Variants in SPON1 observed in about 807,000 individuals in gnomAD.
The protein encoded by SPON1 is spondin 1.
Under a neutral mutation model 111.7 loss-of-function variants are expected in SPON1, and 52 were observed. The observed-to-expected ratio is 0.47, with a 90% CI of 0.37 to 0.59. The LOEUF (loss-of-function observed/expected upper bound fraction) is 0.59. SPON1 is among the 20% of genes least tolerant of loss of function. SPON1 has a pLI of 0.00. For missense variants in SPON1, 957 were observed against 1,068.5 expected, an observed-to-expected ratio of 0.90 and a Z score of 1.46; for synonymous variants, 410 against 395.8, an observed-to-expected ratio of 1.04 and a Z score of -0.43.
In SPON1 at chr11:13,963,028, G is replaced by A. The variant is rs996546516; in HGVS notation, c.124G>A (p.Gly42Ser). ...CCTGGACAAAGTGCCCAAGTCAGAG[G>A]GCTACTGCAGCCGTATCCTGCGCGC... Reference protein sequence around the residue: ...ETLDKVPKSEGYCSRILRAQG... With the variant: ...ETLDKVPKSESYCSRILRAQG... Residue 42 changes from glycine to serine, a missense_variant, in exon 1 of 16, where the codon GGC (glycine) becomes AGC (serine). Physicochemically the swap from Gly to Ser is moderately conservative, Grantham distance 56. Around this residue, in one of 5 missense-constraint regions of SPON1, gnomAD observed 262 missense variants for 253.9 expected, o/e 1.03. Coordinates refer to ENST00000576479, the MANE Select transcript of SPON1 (RefSeq NM_006108.4). 1.3e-6 allele frequency: 2 copies of A among 1,589,708 alleles called. No homozygotes were observed. Among genetic ancestry groups the A allele is most frequent in the Non-Finnish European group, 1.7e-6 (2 of 1,169,292 alleles).
At chr11:14,185,668 G>A (rs1432883019) in intron 6 of SPON1, among the ~76,000 whole-genome samples, 2 of 152,362 alleles carry the variant, frequency 1.3e-5, no homozygotes, top group East Asian at 1.9e-4. Context: ...CCAAAACAGG[G>A]CATTAGGAAA....
intron 5 of SPON1, among the ~76,000 whole-genome samples, chr11:14,124,226 C>T (rs563079032): frequency 2.6e-5 from 4 of 152,104 alleles, no homozygotes; most frequent in Non-Finnish European, 5.9e-5. Context: ...ATGACCTACT[C>T]GTAGTCTTAC....
chr11:14,183,134 T>A (rs1848252372), intron 6 of SPON1, among the ~76,000 whole-genome samples: 1 of 152,248 alleles, frequency 6.6e-6, no homozygotes, highest in Non-Finnish European at 1.5e-5. Flanking sequence ...CTGTATTTGA[T>A]GTCATTCTTT....
intron 5 of SPON1, among the ~76,000 whole-genome samples, chr11:14,120,150 T>C (rs1554926363): frequency 6.6e-6 from 1 of 152,200 alleles, no homozygotes; most frequent in African/African-American, 2.4e-5. Flanking sequence ...TTTAATTTGC[T>C]AATCTGTAAC....
chr11:14,154,717 T>C (rs530941778), intron 6 of SPON1, among the ~76,000 whole-genome samples: 1 of 152,348 alleles, frequency 6.6e-6, no homozygotes, highest in East Asian at 1.9e-4. Context: ...AAATGGGTTT[T>C]TCTTTTCTAC....
intron 6 of SPON1, among the ~76,000 whole-genome samples, chr11:14,190,997 ATCCCATCACTTGGTATAT>A (rs1848342450): frequency 6.6e-6 from 1 of 152,190 alleles, no homozygotes; most frequent in African/African-American, 2.4e-5. Flanking sequence ...AGCACTTACA[ATCCCATCACTTGGTATAT>A]AAAGAATAAA....
At chr11:14,205,897 A>G (rs1848511970) in intron 6 of SPON1, among the ~76,000 whole-genome samples, 2 of 152,072 alleles carry the variant, frequency 1.3e-5, no homozygotes. Context: ...TGGAATGGCT[A>G]TGGCTGAGCC....
At chr11:14,027,008 A>G (rs1848523653) in intron 2 of SPON1, among the ~76,000 whole-genome samples, 1 of 152,198 alleles carries the variant, frequency 6.6e-6, no homozygotes, top group Non-Finnish European at 1.5e-5. Context: ...GAGAGGCAAG[A>G]TGATAAGCTT....
intron 5 of SPON1, among the ~76,000 whole-genome samples, chr11:14,096,475 C>G (rs946791244): frequency 6.6e-6 from 1 of 152,220 alleles, no homozygotes; most frequent in African/African-American, 2.4e-5. Flanking sequence ...TCAAGTGGCT[C>G]TCTCGCCCTC....
At chr11:14,235,817 A>T (rs1191963012) in intron 6 of SPON1, among the ~76,000 whole-genome samples, 1 of 152,172 alleles carries the variant, frequency 6.6e-6, no homozygotes, top group East Asian at 1.9e-4. Flanking sequence ...CCTGCCATGG[A>T]CATCAAAGTC....
At chr11:14,067,264 A>G (rs988243039) in intron 3 of SPON1, among the ~76,000 whole-genome samples, 4 of 151,724 alleles carry the variant, frequency 2.6e-5, no homozygotes, top group Non-Finnish European at 5.9e-5. Flanking sequence ...ACAGAGCCTG[A>G]CTCCTCCTTT....
chr11:14,174,544 GT>G (rs797033194), intron 6 of SPON1, among the ~76,000 whole-genome samples: 218 of 149,646 alleles, frequency 1.5e-3, no homozygotes, highest in South Asian at 0.012. Flanking sequence ...AAACAGAGGG[GT>G]TTTTTTTTTC....
chr11:14,025,364 A>G (rs1848509883), intron 2 of SPON1, among the ~76,000 whole-genome samples: 1 of 152,244 alleles, frequency 6.6e-6, no homozygotes, highest in Non-Finnish European at 1.5e-5. Flanking sequence ...TTGATCAAGT[A>G]TATATGATGT....
chr11:14,122,696 T>G (rs1269737856), intron 5 of SPON1, among the ~76,000 whole-genome samples: 5 of 152,232 alleles, frequency 3.3e-5, no homozygotes, highest in Admixed American at 3.3e-4. Context: ...ATATTATATT[T>G]TTCACTTCTG....
chr11:14,065,984 G>A (rs1255974914), intron 3 of SPON1, among the ~76,000 whole-genome samples: 1 of 152,146 alleles, frequency 6.6e-6, no homozygotes, highest in Non-Finnish European at 1.5e-5. Flanking sequence ...GAAGAGGTTG[G>A]CAGGGAGAGC....
intron 14 of SPON1, chr11:14,262,468 C>A: frequency 1.8e-6 from 1 of 567,214 alleles, no homozygotes; most frequent in Non-Finnish European, 3.1e-6. Flanking sequence ...CCAAAGCCTT[C>A]TTGAGTCATA....
At chr11:13,965,366 G>A (rs1346253650) in intron 1 of SPON1, among the ~76,000 whole-genome samples, 3 of 152,164 alleles carry the variant, frequency 2.0e-5, no homozygotes, top group Non-Finnish European at 4.4e-5. Flanking sequence ...AGTGTACCCA[G>A]CGTCTCTTTT....
At chr11:14,262,004 T>C (rs1554941950) in intron 14 of SPON1, among the ~76,000 whole-genome samples, 2 of 152,152 alleles carry the variant, frequency 1.3e-5, no homozygotes, top group Admixed American at 1.3e-4. Context: ...CTTGGAATAA[T>C]TTACCTCCCT....
intron 3 of SPON1, among the ~76,000 whole-genome samples, chr11:14,065,110 C>A (rs1554920234): frequency 1.3e-5 from 2 of 152,168 alleles, no homozygotes; most frequent in African/African-American, 4.8e-5. Flanking sequence ...CAAGCATCTC[C>A]CAACAGCCAG....
Sources: allele counts gnomAD v4.1 joint callset (sites outside exome capture counted in the v4.1 genomes callset), GRCh38; gene constraint gnomAD v4.1.1; regional missense constraint gnomAD v4.1.1; transcripts MANE v1.5; gene names NCBI Gene and HGNC (gene_info 2026-07-23, HGNC 2026-07-21).